GABRB1: variants seen among roughly 807,000 people sequenced by gnomAD.
The protein encoded by GABRB1 is gamma-aminobutyric acid type A receptor subunit beta1.
GABRB1 carries 17 observed loss-of-function variants against 51.6 expected under a neutral mutation model. The observed-to-expected ratio is 0.33, with a 90% CI of 0.23 to 0.49. GABRB1 has a LOEUF of 0.49. Ranked by LOEUF, GABRB1 falls within the 20% of genes least tolerant of loss-of-function variation. The pLI is 0.99. For missense variants in GABRB1, 410 were observed against 600.6 expected (o/e 0.68, Z 3.32); for synonymous variants, 247 against 218.9 (o/e 1.13, Z -1.14).
intron 3 of GABRB1, among the ~76,000 whole-genome samples, chr4:47,152,916 C>T (rs762171208): frequency 8.6e-5 from 13 of 151,986 alleles, no homozygotes; most frequent in South Asian, 2.1e-4. Context: ...ATTCTCTAGG[C>T]TAATGCAAGC....
chr4:47,358,682 G>A (rs1448542055), intron 5 of GABRB1, among the ~76,000 whole-genome samples: 2 of 152,046 alleles, frequency 1.3e-5, no homozygotes, highest in East Asian at 1.9e-4. Context: ...CCTCTGCAAA[G>A]ACCCTATCTC....
intron 4 of GABRB1, among the ~76,000 whole-genome samples, chr4:47,184,331 G>C (rs1489916841): frequency 1.3e-5 from 2 of 151,938 alleles, no homozygotes; most frequent in East Asian, 3.9e-4. Context: ...GAGGACAAAG[G>C]CTCTATTTGA....
intron 4 of GABRB1, among the ~76,000 whole-genome samples, chr4:47,195,141 C>T (rs1048230853): frequency 3.9e-5 from 6 of 152,030 alleles, no homozygotes; most frequent in African/African-American, 1.4e-4. Flanking sequence ...CCGAGGCAGG[C>T]GGATCACGAG....
At chr4:47,309,901 G>A (rs546991807) in intron 4 of GABRB1, among the ~76,000 whole-genome samples, 2 of 152,118 alleles carry the variant, frequency 1.3e-5, no homozygotes, top group African/African-American at 4.8e-5. Flanking sequence ...TTCTTTGGAA[G>A]CATATTGACT....
chr4:47,271,422 T>G (rs1193882793), intron 4 of GABRB1, among the ~76,000 whole-genome samples: 1 of 152,166 alleles, frequency 6.6e-6, no homozygotes, highest in Admixed American at 6.6e-5. Context: ...TACTCAAATG[T>G]AATTAACCTA....
At chr4:47,029,913 T>C (rs527992760), upstream of GABRB1, among the ~76,000 whole-genome samples, 10 of 152,272 alleles carry the variant, frequency 6.6e-5, no homozygotes, top group East Asian at 7.7e-4. Flanking sequence ...TCAGTTTCTA[T>C]ATAGCACAAT....
At chr4:47,038,026 A>G (rs1725672084) in intron 3 of GABRB1, among the ~76,000 whole-genome samples, 1 of 152,168 alleles carries the variant, frequency 6.6e-6, no homozygotes, top group Non-Finnish European at 1.5e-5. Context: ...AATGAAGCTA[A>G]ATTACATAAT....
At chr4:47,019,737 G>A (rs1192044088) in intron 1 of GABRB1, among the ~76,000 whole-genome samples, 2 of 140,550 alleles carry the variant, frequency 1.4e-5, no homozygotes, top group East Asian at 2.1e-4. Flanking sequence ...TTCTTTCACG[G>A]GCTCTCACTT....
intron 3 of GABRB1, among the ~76,000 whole-genome samples, chr4:47,117,766 G>A (rs972597946): frequency 3.9e-5 from 6 of 152,080 alleles, no homozygotes; most frequent in South Asian, 2.1e-4. Flanking sequence ...TATGAAATAC[G>A]CTGGGAAATT....
intron 4 of GABRB1, among the ~76,000 whole-genome samples, chr4:47,203,645 C>T (rs1329663010): frequency 6.6e-6 from 1 of 152,122 alleles, no homozygotes; most frequent in African/African-American, 2.4e-5. Flanking sequence ...AGGTGTCCTG[C>T]TTGCTGGTGG....
intron 3 of GABRB1, among the ~76,000 whole-genome samples, chr4:47,080,527 C>A (rs1727785483): frequency 1.3e-5 from 2 of 152,050 alleles, no homozygotes; most frequent in Admixed American, 6.6e-5. Context: ...CATGGTCGTC[C>A]ATGTAATCTG....
At chr4:47,286,036 AAGAG>A (rs1256721454) in intron 4 of GABRB1, among the ~76,000 whole-genome samples, 4 of 152,338 alleles carry the variant, frequency 2.6e-5, no homozygotes, top group Non-Finnish European at 5.9e-5. Flanking sequence ...TCATTACTGG[AAGAG>A]AGACAAAAAT....
At chr4:47,144,701 A>C (rs1431000519) in intron 3 of GABRB1, among the ~76,000 whole-genome samples, 2 of 151,988 alleles carry the variant, frequency 1.3e-5, no homozygotes, top group African/African-American at 4.8e-5. Context: ...TTTGACACCA[A>C]ATCTTATACT....
At chr4:47,025,303 T>A (rs1388055270) in intron 1 of GABRB1, among the ~76,000 whole-genome samples, 6 of 151,886 alleles carry the variant, frequency 4.0e-5, no homozygotes, top group Non-Finnish European at 5.9e-5. Flanking sequence ...CTATTTTAGT[T>A]CTTTTAGGAA....
intron 5 of GABRB1, among the ~76,000 whole-genome samples, chr4:47,356,275 C>CA (rs11441012): frequency 0.47 from 71,623 of 151,654 alleles, 17,254 homozygotes; most frequent in Non-Finnish European, 0.51. Flanking sequence ...ATAAGTTTAC[C>CA]ATAAAGCGTT....
intron 1 of GABRB1, among the ~76,000 whole-genome samples, chr4:47,009,217 A>G (rs1218688115): frequency 6.7e-6 from 1 of 150,154 alleles, no homozygotes; most frequent in Non-Finnish European, 1.5e-5. Flanking sequence ...AAAACAAAAT[A>G]TAAATATATT....
At chr4:47,339,345 G>A (rs925486263) in intron 5 of GABRB1, among the ~76,000 whole-genome samples, 33 of 152,276 alleles carry the variant, frequency 2.2e-4, no homozygotes, top group African/African-American at 7.7e-4. Flanking sequence ...CAGGCATTGA[G>A]CTGTTGAAAG....
chr4:47,190,034 C>T (rs184472426), intron 4 of GABRB1, among the ~76,000 whole-genome samples: 44 of 152,114 alleles, frequency 2.9e-4, no homozygotes, highest in African/African-American at 1.0e-3. Flanking sequence ...CAATTTCAAG[C>T]AATCTTGGTC....
intron 4 of GABRB1, among the ~76,000 whole-genome samples, chr4:47,179,817 G>A (rs1195148270): frequency 6.6e-6 from 1 of 152,038 alleles, no homozygotes; most frequent in East Asian, 1.9e-4. Context: ...TCACTAACCT[G>A]TGCCTTGACT....
Sources: gnomAD v4.1 joint callset for allele counts (sites outside exome capture counted in the v4.1 genomes callset) on GRCh38, gnomAD v4.1.1 for gene constraint, MANE v1.5 for transcripts, NCBI Gene and HGNC (gene_info 2026-07-23, HGNC 2026-07-21) for gene names.